Variants in WASF1 observed in about 807,000 individuals in gnomAD.
WASF1 encodes WASP family member 1.
WASF1 carries 7 observed loss-of-function variants against 50.5 expected under a neutral mutation model. That is an observed-to-expected ratio of 0.14 (90% CI 0.08 to 0.26). WASF1 has a LOEUF of 0.26. Ranked by LOEUF, WASF1 falls within the 10% of genes least tolerant of loss-of-function variation. The pLI is 1.00. For missense variants in WASF1, 470 were observed against 694.7 expected, an observed-to-expected ratio of 0.68 and a Z score of 3.64; for synonymous variants, 205 against 244.0, an observed-to-expected ratio of 0.84 and a Z score of 1.49.
At position 110,101,820 on chromosome 6, in the gene WASF1, A is replaced by C. The variant is rs763581196; in HGVS notation, c.1290T>G (p.Pro430=). The C allele has an allele frequency of 6.2e-7, 1 of 1,613,952 alleles. No individual in the cohort carries two copies. Among genetic ancestry groups the C allele is most frequent in the Non-Finnish European group, 8.5e-7 (1 of 1,179,978 alleles). ...GTCGAATGCCAGGTGGAGGCAGAGGAGGCGGTGGTGGGGGTGGAGGCAGCC... is the reference window on the plus strand; with the variant it reads ...GTCGAATGCCAGGTGGAGGCAGAGGCGGCGGTGGTGGGGGTGGAGGCAGCC... ...VQGLPPPPPP[P]PLPPPGIRPS... is the part of the protein sequence containing the mutation. The change falls in exon 10 of 11, where the codon CCT becomes CCG. Residue 430 remains proline (P), a synonymous_variant. Coordinates refer to ENST00000392589, the MANE Select transcript of WASF1 (RefSeq NM_003931.3).
chr6:110,116,071 G>A (rs1034905262), intron 4 of WASF1, among the ~76,000 whole-genome samples: 1 of 152,134 alleles, frequency 6.6e-6, no homozygotes, highest in African/African-American at 2.4e-5. Context: ...CTTCCAAGAC[G>A]GCTGAATAGG....
At chr6:110,119,535 G>C (rs1773985195) in intron 4 of WASF1, among the ~76,000 whole-genome samples, 1 of 152,112 alleles carries the variant, frequency 6.6e-6, no homozygotes, top group Non-Finnish European at 1.5e-5. Context: ...TTCTGAAATT[G>C]AGGCAATATT....
At chr6:110,155,484 C>T (rs75950949) in intron 3 of WASF1, among the ~76,000 whole-genome samples, 21,935 of 126,636 alleles carry the variant, frequency 0.17, 3,593 homozygotes, top group African/African-American at 0.37. Context: ...AAGGAAATTA[C>T]TTGCCTCTAG....
intron 2 of WASF1, among the ~76,000 whole-genome samples, chr6:110,167,564 G>C (rs1270574190): frequency 6.6e-6 from 1 of 151,860 alleles, no homozygotes; most frequent in Non-Finnish European, 1.5e-5. Context: ...GAGGACTCCA[G>C]GACTTAGTCC....
intron 10 of WASF1, 130 bp downstream of exon 10, chr6:110,101,458 T>C: frequency 1.6e-6 from 2 of 1,217,908 alleles, no homozygotes; most frequent in Non-Finnish European, 2.2e-6. Context: ...AGCTTTACTT[T>C]CTAAAGGCCA....
At chr6:110,152,981 TCA>T (rs905951502) in intron 3 of WASF1, among the ~76,000 whole-genome samples, 3 of 152,196 alleles carry the variant, frequency 2.0e-5, no homozygotes, top group East Asian at 3.8e-4. Flanking sequence ...ATAAATGGAT[TCA>T]CAGAGTAGTA....
chr6:110,115,793 A>C (rs1379907679), intron 4 of WASF1, among the ~76,000 whole-genome samples: 1 of 152,212 alleles, frequency 6.6e-6, no homozygotes, highest in African/African-American at 2.4e-5. Context: ...GCTCAAGAAA[A>C]CAAATTCATA....
intron 3 of WASF1, among the ~76,000 whole-genome samples, chr6:110,153,586 T>C (rs1291043301): frequency 2.0e-5 from 3 of 152,096 alleles, no homozygotes; most frequent in Admixed American, 6.5e-5. Context: ...TCTCATAATT[T>C]TAATTTGCAT....
At chr6:110,100,779 T>C (rs1317066378) in intron 10 of WASF1, 100 bp from the exon 11 acceptor site, 2 of 1,208,814 alleles carry the variant, frequency 1.7e-6, no homozygotes, top group Admixed American at 6.9e-5. Flanking sequence ...GAGAAATACT[T>C]ATAGGAAAAT....
intron 4 of WASF1, among the ~76,000 whole-genome samples, chr6:110,124,266 CTCTCTCTCTATATA>C (rs1379149731): frequency 1.1e-3 from 69 of 62,582 alleles, no homozygotes; most frequent in African/African-American, 5.3e-3. Flanking sequence ...CTCTCTCTCT[CTCTCTCTCTATATA>C]TATATATATA....
chr6:110,139,435 T>G (rs527514151), intron 3 of WASF1, among the ~76,000 whole-genome samples: 13 of 152,344 alleles, frequency 8.5e-5, no homozygotes, highest in African/African-American at 2.9e-4. Context: ...CAGCAGCTGC[T>G]ACATACGGGC....
At chr6:110,169,601 C>T (rs2114618829) in intron 2 of WASF1, among the ~76,000 whole-genome samples, 1 of 152,202 alleles carries the variant, frequency 6.6e-6, no homozygotes, top group Non-Finnish European at 1.5e-5. Flanking sequence ...TGAAATCAGT[C>T]CCCAACACTC....
At chr6:110,155,406 G>A (rs976712316) in intron 3 of WASF1, among the ~76,000 whole-genome samples, 13 of 151,732 alleles carry the variant, frequency 8.6e-5, no homozygotes, top group African/African-American at 3.1e-4. Flanking sequence ...AGGATCAATA[G>A]CTTAAAGTGA....
chr6:110,177,337 G>A (rs1357366345), intron 2 of WASF1, among the ~76,000 whole-genome samples: 2 of 151,910 alleles, frequency 1.3e-5, no homozygotes, highest in Non-Finnish European at 2.9e-5. Flanking sequence ...GGTATTAACT[G>A]TAATAACCTT....
At chr6:110,126,505 A>G (rs1774424559) in intron 4 of WASF1, among the ~76,000 whole-genome samples, 1 of 152,222 alleles carries the variant, frequency 6.6e-6, no homozygotes, top group Admixed American at 6.5e-5. Flanking sequence ...AAATTAGATT[A>G]ACAACCTCTT....
chr6:110,108,753 ACTTT>A (rs1773433615), intron 5 of WASF1, 72 bp from the exon 6 acceptor site: 1 of 1,430,868 alleles, frequency 7.0e-7, no homozygotes, highest in Non-Finnish European at 9.5e-7. Context: ...AAATTCACAT[ACTTT>A]ATTTGTCTAA....
At chr6:110,115,573 T>C (rs991975834) in intron 4 of WASF1, among the ~76,000 whole-genome samples, 3 of 152,226 alleles carry the variant, frequency 2.0e-5, no homozygotes, top group Non-Finnish European at 2.9e-5. Flanking sequence ...ACACTGAAGG[T>C]GTCAAAGTGG....
rs552213578 is a variant in WASF1, at chr6:110,167,363, T to C, written c.-126-6631A>G. Among the ~76,000 whole-genome samples the C allele has an allele frequency of 2.6e-5, 4 of 152,044 alleles. No homozygotes were observed. In the South Asian group the frequency reaches 8.3e-4, roughly 32 times the overall value. On this transcript the variant is annotated intron_variant, in intron 2 of 10. Transcript: ENST00000392589. ...CTTTCAGGAGGTATTCCAGAAGGCA[T>C]TGTTATCATAGGAGATGACAGCTCC...
intron 3 of WASF1, among the ~76,000 whole-genome samples, chr6:110,141,706 G>A (rs1248262181): frequency 1.3e-5 from 2 of 151,508 alleles, no homozygotes; most frequent in African/African-American, 4.8e-5. Context: ...ACAAAATCAT[G>A]AGCTTTAAGG....
Sources: allele counts gnomAD v4.1 joint callset (sites outside exome capture counted in the v4.1 genomes callset), GRCh38; gene constraint gnomAD v4.1.1; transcripts MANE v1.5; gene names NCBI Gene and HGNC (gene_info 2026-07-23, HGNC 2026-07-21).